ATRNL1: variants seen among roughly 807,000 people sequenced by gnomAD.
ATRNL1 encodes the protein attractin-like protein 1.
A neutral mutation model predicts 182.7 loss-of-function variants in ATRNL1; 95 were observed. That is an observed-to-expected ratio of 0.52 (90% CI 0.44 to 0.62). The LOEUF is 0.62. ATRNL1 is among the 20% of genes least tolerant of loss of function. The pLI, the probability that ATRNL1 is intolerant of heterozygous loss-of-function variation, is 0.00. For missense variants in ATRNL1, 1,471 were observed against 1,679.5 expected (o/e 0.88, Z 2.17); for synonymous variants, 576 against 568.3 (o/e 1.01, Z -0.19).
At chr10:115,413,369 A>T (rs1368705992) in intron 20 of ATRNL1, among the ~76,000 whole-genome samples, 2 of 152,148 alleles carry the variant, frequency 1.3e-5, no homozygotes, top group African/African-American at 2.4e-5. Flanking sequence ...AGGACGTGAC[A>T]TTAATGAAAA....
At chr10:115,136,987 A>G (rs1235054142) in intron 5 of ATRNL1, among the ~76,000 whole-genome samples, 1 of 152,226 alleles carries the variant, frequency 6.6e-6, no homozygotes, top group African/African-American at 2.4e-5. Context: ...TAACACATGA[A>G]AAGCAAGATA....
intron 19 of ATRNL1, among the ~76,000 whole-genome samples, chr10:115,357,640 A>G (rs1856559510): frequency 6.6e-6 from 1 of 151,836 alleles, no homozygotes; most frequent in South Asian, 2.1e-4. Flanking sequence ...TCTTAGTTAC[A>G]CATACTTTTA....
At chr10:115,580,135 A>G (rs1854979887) in intron 26 of ATRNL1, among the ~76,000 whole-genome samples, 1 of 152,084 alleles carries the variant, frequency 6.6e-6, no homozygotes, top group South Asian at 2.1e-4. Flanking sequence ...CCATGTATCT[A>G]TCTACCACTC....
At chr10:115,283,141 C>T (rs1212222551) in intron 14 of ATRNL1, among the ~76,000 whole-genome samples, 2 of 152,076 alleles carry the variant, frequency 1.3e-5, no homozygotes, top group African/African-American at 4.8e-5. Flanking sequence ...CGGTCAGGTA[C>T]GGTGTCTCAC....
chr10:115,481,016 A>G (rs975873415), intron 24 of ATRNL1, among the ~76,000 whole-genome samples: 20 of 150,772 alleles, frequency 1.3e-4, no homozygotes, highest in African/African-American at 4.8e-4. Flanking sequence ...TTTATATTAT[A>G]AATTTTTATA....
intron 8 of ATRNL1, among the ~76,000 whole-genome samples, chr10:115,192,815 T>G (rs188790207): frequency 1.3e-4 from 20 of 152,226 alleles, no homozygotes; most frequent in Admixed American, 5.2e-4. Flanking sequence ...AGACATTTTA[T>G]TTCACTTGTA....
chr10:115,513,673 C>T (rs1288275092), intron 24 of ATRNL1, among the ~76,000 whole-genome samples: 2 of 151,882 alleles, frequency 1.3e-5, no homozygotes, highest in Non-Finnish European at 2.9e-5. Context: ...CTTGTATCTG[C>T]CTTCCATTTC....
chr10:115,270,520 C>T (rs925740236), intron 13 of ATRNL1, among the ~76,000 whole-genome samples: 1 of 149,548 alleles, frequency 6.7e-6, no homozygotes, highest in Non-Finnish European at 1.5e-5. Context: ...ATGAAAAGTC[C>T]CAGGATCTGC....
At chr10:115,457,519 A>G (rs893169656) in intron 21 of ATRNL1, among the ~76,000 whole-genome samples, 2 of 151,946 alleles carry the variant, frequency 1.3e-5, no homozygotes, top group Non-Finnish European at 2.9e-5. Context: ...GTCTCCTGTC[A>G]CTACAAATAC....
intron 28 of ATRNL1, among the ~76,000 whole-genome samples, chr10:115,894,443 G>A (rs1952156971): frequency 6.6e-6 from 1 of 152,102 alleles, no homozygotes; most frequent in African/African-American, 2.4e-5. Context: ...AGGGCAGGGA[G>A]CACCCAAGAG....
intron 25 of ATRNL1, among the ~76,000 whole-genome samples, chr10:115,520,209 A>C (rs1850853705): frequency 6.6e-6 from 1 of 152,180 alleles, no homozygotes; most frequent in South Asian, 2.1e-4. Context: ...GGGCTGCCAT[A>C]CAGTAAAGAC....
intron 21 of ATRNL1, among the ~76,000 whole-genome samples, chr10:115,437,361 T>A (rs555587825): frequency 6.6e-6 from 1 of 152,062 alleles, no homozygotes; most frequent in Non-Finnish European, 1.5e-5. Flanking sequence ...AATGTTACAT[T>A]TTGCTTTTAA....
chr10:115,353,222 T>C (rs1005000910), intron 19 of ATRNL1, among the ~76,000 whole-genome samples: 1 of 152,220 alleles, frequency 6.6e-6, no homozygotes, highest in Non-Finnish European at 1.5e-5. Context: ...TCTAGTAATG[T>C]TTGCTTTATA....
At chr10:115,186,701 G>A (rs1377217338) in intron 8 of ATRNL1, among the ~76,000 whole-genome samples, 4 of 152,058 alleles carry the variant, frequency 2.6e-5, no homozygotes, top group African/African-American at 9.7e-5. Context: ...GGGAAGGGTC[G>A]TTGGTGGGGA....
chr10:115,771,065 TAATAAC>T (rs1948976673), intron 27 of ATRNL1, among the ~76,000 whole-genome samples: 1 of 152,256 alleles, frequency 6.6e-6, no homozygotes, highest in African/African-American at 2.4e-5. Context: ...AGCTCACAGT[TAATAAC>T]AGAAAGGATT....
chr10:115,171,359 A>G lies in ATRNL1; in HGVS notation c.1348+67A>G, dbSNP rs556943581. 6.8e-5 allele frequency: 94 copies of G among 1,378,888 alleles called. No individual in the cohort carries two copies. In the African/African-American group the frequency reaches 1.1e-3, roughly 16 times the overall value. The allele number at this position is 1,378,888 out of a possible 1,614,324, so 85.4% of individuals were successfully genotyped here. On this transcript the variant is annotated intron_variant, in intron 8 of 28. Transcript: ENST00000355044. Reference sequence around the variant, plus strand: ...TGTTTTTCTCTTTAATAAAATCTTCATATGAATTTAGTCAAAATGGTGAGT... The same window carrying G: ...TGTTTTTCTCTTTAATAAAATCTTCGTATGAATTTAGTCAAAATGGTGAGT...
At chr10:115,121,997 T>C (rs1343883074) in intron 3 of ATRNL1, among the ~76,000 whole-genome samples, 185 bp downstream of exon 3, 1 of 152,012 alleles carries the variant, frequency 6.6e-6, no homozygotes, top group Non-Finnish European at 1.5e-5. Flanking sequence ...AATATTGATA[T>C]AACATAAATA....
intron 20 of ATRNL1, among the ~76,000 whole-genome samples, chr10:115,412,530 C>T (rs1845194216): frequency 6.6e-6 from 1 of 152,082 alleles, no homozygotes; most frequent in Non-Finnish European, 1.5e-5. Flanking sequence ...TTTTATTGAG[C>T]AATAGATAAC....
At chr10:115,896,003 T>G (rs1416060908) in intron 28 of ATRNL1, among the ~76,000 whole-genome samples, 1 of 152,132 alleles carries the variant, frequency 6.6e-6, no homozygotes, top group Non-Finnish European at 1.5e-5. Context: ...AAAAGGAATA[T>G]AAAAGGAGAG....
Sources: gnomAD v4.1 joint callset for allele counts (sites outside exome capture counted in the v4.1 genomes callset) on GRCh38, gnomAD v4.1.1 for gene constraint, MANE v1.5 for transcripts, NCBI Gene and HGNC (gene_info 2026-07-23, HGNC 2026-07-21) for gene names.